Variants in MORC4 observed in about 807,000 individuals in gnomAD.
The protein encoded by MORC4 is MORC family CW-type zinc finger protein 4.
MORC4 carries 22 observed loss-of-function variants against 65.5 expected under a neutral mutation model. The ratio of observed to expected loss-of-function variants is 0.34; its 90% CI spans 0.24 to 0.48. The LOEUF (loss-of-function observed/expected upper bound fraction) is 0.48, where lower values mean the gene tolerates loss of function less well. Among genes scored for constraint, MORC4 ranks in the 20% least tolerant of loss-of-function variants. The pLI is 0.99. For synonymous variants in MORC4, 267 were observed against 255.8 expected (o/e 1.04, Z -0.42); for missense variants, 624 against 703.0 (o/e 0.89, Z 1.27).
intron 9 of MORC4, among the ~76,000 whole-genome samples, chrX:106,972,434 C>T (rs1179297736): frequency 1.8e-5 from 2 of 110,836 alleles, no homozygotes; most frequent in Non-Finnish European, 3.8e-5. Flanking sequence ...ATTGCACGTT[C>T]TGCACATGTA....
Position 106,999,855 on chromosome X carries a change from G to A in MORC4, c.102+13C>T. The A allele has an allele frequency of 1.2e-6, 1 of 845,034 alleles. No individual in the cohort carries two copies. The highest frequency in any genetic ancestry group is 1.4e-6 in the Non-Finnish European group (1 of 693,880). The allele number at this position is 845,034 out of a possible 1,213,427, so 69.6% of individuals were successfully genotyped here. ...CCCGCGCGCGCGTCCGCCCCCTCGG[G>A]CCCCGGACCTACCGTGCTCAGGCGG... is the stretch of plus-strand genomic sequence containing the variant. On this transcript the variant is annotated intron_variant, in intron 1 of 16. Coordinates refer to ENST00000355610, the MANE Select transcript of MORC4 (RefSeq NM_024657.5).
intron 10 of MORC4, among the ~76,000 whole-genome samples, chrX:106,960,152 T>C (rs1934199259): frequency 8.9e-6 from 1 of 112,189 alleles, no homozygotes; most frequent in African/African-American, 3.2e-5. Context: ...AAAAGCAGCT[T>C]CAGCAGTAGT....
At chrX:106,980,305 G>T (rs1934714001) in intron 7 of MORC4, among the ~76,000 whole-genome samples, 1 of 110,678 alleles carries the variant, frequency 9.0e-6, no homozygotes, top group African/African-American at 3.3e-5. Context: ...CCTCTGAGTG[G>T]CTACCATTAT....
chrX:106,943,325 C>A, intron 14 of MORC4, 120 bp from the exon 15 acceptor site: 1 of 541,250 alleles, frequency 1.8e-6, no homozygotes, highest in Admixed American at 3.6e-5. Flanking sequence ...TACCCACAGA[C>A]AAGTCCAGGT....
intron 14 of MORC4, among the ~76,000 whole-genome samples, chrX:106,945,265 T>A (rs1396603191): frequency 9.0e-6 from 1 of 111,344 alleles, no homozygotes; most frequent in African/African-American, 3.3e-5. Flanking sequence ...CTCTCATTAC[T>A]CCCTTCACAA....
chrX:106,968,945 G>A (rs1409295115), intron 9 of MORC4, among the ~76,000 whole-genome samples: 1 of 111,157 alleles, frequency 9.0e-6, no homozygotes, highest in Admixed American at 9.6e-5. Flanking sequence ...AAATTAACAA[G>A]GATATCCAGG....
At chrX:106,947,571 T>TATATATA (rs1555982139) in intron 14 of MORC4, among the ~76,000 whole-genome samples, 8 of 77,956 alleles carry the variant, frequency 1.0e-4, no homozygotes, top group Non-Finnish European at 1.6e-4. Flanking sequence ...TATATATATA[T>TATATATA]TATATATATA....
At chrX:106,961,244 C>T (rs900821078) in intron 10 of MORC4, among the ~76,000 whole-genome samples, 2 of 112,108 alleles carry the variant, frequency 1.8e-5, no homozygotes, top group Non-Finnish European at 3.8e-5. Context: ...GGTGAAGTAA[C>T]TTACTTACCC....
intron 2 of MORC4, among the ~76,000 whole-genome samples, chrX:106,996,511 A>T (rs981591550): frequency 9.0e-6 from 1 of 111,519 alleles, no homozygotes; most frequent in Non-Finnish European, 1.9e-5. Flanking sequence ...ACCGATCTGG[A>T]GGCTGGTTTC....
At chrX:106,964,076 C>T (rs376136315) in intron 9 of MORC4, among the ~76,000 whole-genome samples, 2 of 111,112 alleles carry the variant, frequency 1.8e-5, no homozygotes, top group South Asian at 3.8e-4. Flanking sequence ...TAGATCAACT[C>T]GACAAAGATT....
In MORC4 at chrX:106,972,957, CA is replaced by C. The variant is rs771974364; in HGVS notation, c.1157+3626del. Among the ~76,000 whole-genome samples the C allele has an allele frequency of 2.5e-3, 280 of 112,282 alleles. 2 individuals are homozygous for C. The highest frequency in any genetic ancestry group is 8.6e-3 in the African/African-American group (266 of 30,989). Reference sequence around the variant, plus strand: ...CAAACAAACAAACAAAAAATCAAAACAAAAAGCTAGCTTGAATTGAAAGGGA... The same window carrying C: ...CAAACAAACAAACAAAAAATCAAAACAAAAGCTAGCTTGAATTGAAAGGGA... On this transcript the variant is annotated intron_variant, in intron 9 of 16. Coordinates refer to ENST00000355610, the MANE Select transcript of MORC4 (RefSeq NM_024657.5).
At chrX:106,980,821 G>C in intron 7 of MORC4, 70 bp downstream of exon 7, 1 of 1,051,212 alleles carries the variant, frequency 9.5e-7, no homozygotes, top group Non-Finnish European at 1.3e-6. Flanking sequence ...TTGTTTTTCT[G>C]TGTCAACCTG....
intron 14 of MORC4, among the ~76,000 whole-genome samples, chrX:106,952,935 G>A (rs1029010229): frequency 8.9e-6 from 1 of 111,806 alleles, no homozygotes; most frequent in Admixed American, 9.5e-5. Context: ...TGATTCCCTC[G>A]AAAAGTGTAA....
rs988573953 is a variant in MORC4 at position 106,976,631 on chromosome X, T to C, written c.1110A>G (p.Leu370=). Reference sequence around the variant, plus strand: ...AGTCTTGTTTGTTGTAGGCAGGTTTTAGGAAATTGCACTCAATGACTCCAA... The same window carrying C: ...AGTCTTGTTTGTTGTAGGCAGGTTTCAGGAAATTGCACTCAATGACTCCAA... The part of the protein sequence containing the change: ...GVIGVIECNF[L]KPAYNKQDFE... Residue 370 remains leucine (L), a synonymous_variant, in exon 9 of 17, where the codon CTA becomes CTG. Coordinates refer to ENST00000355610, the MANE Select transcript of MORC4 (RefSeq NM_024657.5). The C allele has an allele frequency of 8.3e-7, 1 of 1,209,502 alleles. No homozygotes were observed.
At chrX:106,962,261 C>A in intron 9 of MORC4, 151 bp from the exon 10 acceptor site, 1 of 445,845 alleles carries the variant, frequency 2.2e-6, no homozygotes, top group East Asian at 3.9e-5. Flanking sequence ...GATGGGAATC[C>A]ATTGCCTTTG....
chrX:106,941,406 GAGAGAC>G lies in MORC4; in HGVS notation c.*67_*72del. 4.0e-6 allele frequency: 3 copies of G among 752,042 alleles called. No homozygotes were observed. Among genetic ancestry groups the G allele is most frequent in the Admixed American group, 3.3e-5 (1 of 30,085 alleles). The allele number at this position is 752,042 out of a possible 1,213,427, so 62.0% of individuals were successfully genotyped here. A position where few individuals can be genotyped will look rare whatever the true frequency, so the allele number is the denominator to read the frequency against. On this transcript the variant is annotated 3_prime_UTR_variant, in exon 17 of 17. Coordinates refer to ENST00000355610, the MANE Select transcript of MORC4 (RefSeq NM_024657.5). ...AGAGAGAGAGAGAGAGAGAGAGAGAGAGAGACGTGAGGGAGGGAGAGAAAAGAGAAC... is the reference window on the plus strand; with the variant it reads ...AGAGAGAGAGAGAGAGAGAGAGAGAGGTGAGGGAGGGAGAGAAAAGAGAAC...
chrX:106,975,962 C>T (rs926883358), intron 9 of MORC4, among the ~76,000 whole-genome samples: 4 of 111,581 alleles, frequency 3.6e-5, no homozygotes, highest in East Asian at 5.6e-4. Flanking sequence ...GTACCTGGCA[C>T]ATAGAAGCTG....
intron 9 of MORC4, among the ~76,000 whole-genome samples, chrX:106,973,901 G>A (rs1286165032): frequency 8.9e-6 from 1 of 111,987 alleles, no homozygotes; most frequent in Non-Finnish European, 1.9e-5. Flanking sequence ...AGCCCAGTAA[G>A]ATCTGTGTAG....
chrX:106,970,579 T>C (rs946582893), intron 9 of MORC4, among the ~76,000 whole-genome samples: 5 of 111,969 alleles, frequency 4.5e-5, no homozygotes, highest in Non-Finnish European at 9.4e-5. Flanking sequence ...AACCCCATTG[T>C]CTCAGCCCAA....
Sources: gnomAD v4.1 joint callset for allele counts (sites outside exome capture counted in the v4.1 genomes callset) on GRCh38, gnomAD v4.1.1 for gene constraint, MANE v1.5 for transcripts, NCBI Gene and HGNC (gene_info 2026-07-23, HGNC 2026-07-21) for gene names.